Variants in SGPP2 observed in about 807,000 individuals in gnomAD.
SGPP2 encodes sphingosine 1-phosphate phosphohydrolase 2.
SGPP2 carries 30 observed loss-of-function variants against 33.9 expected under a neutral mutation model. That is an observed-to-expected ratio of 0.89 (90% CI 0.66 to 1.20). The LOEUF is 1.20. SGPP2 is among the 50% of genes most tolerant of loss of function. SGPP2 has a pLI of 0.00. For synonymous variants in SGPP2, 233 were observed against 225.0 expected, an observed-to-expected ratio of 1.04 and a Z score of -0.32; for missense variants, 458 against 532.1, an observed-to-expected ratio of 0.86 and a Z score of 1.37.
chr2:222,474,771 A>C, intron 2 of SGPP2, 45 bp downstream of exon 2: 1 of 1,498,546 alleles, frequency 6.7e-7, no homozygotes. Context: ...TTCTAAAACA[A>C]CTACTTCCTT....
chr2:222,434,928 T>C (rs1188162579), intron 1 of SGPP2, among the ~76,000 whole-genome samples: 1 of 151,356 alleles, frequency 6.6e-6, no homozygotes, highest in Non-Finnish European at 1.5e-5. Flanking sequence ...AGTTGGTTTG[T>C]ATATTAGGGT....
At chr2:222,446,025 G>A (rs780024258) in intron 1 of SGPP2, among the ~76,000 whole-genome samples, 1 of 152,208 alleles carries the variant, frequency 6.6e-6, no homozygotes, top group Non-Finnish European at 1.5e-5. Flanking sequence ...AACATTTGGG[G>A]ACTGAAAAGA....
chr2:222,519,122 A>T (rs1486696815), intron 2 of SGPP2, among the ~76,000 whole-genome samples: 1 of 152,250 alleles, frequency 6.6e-6, no homozygotes, highest in Non-Finnish European at 1.5e-5. Context: ...AGCTAAATAA[A>T]ACCCTGGTAA....
intron 1 of SGPP2, among the ~76,000 whole-genome samples, chr2:222,443,729 G>A (rs1458629390): frequency 6.6e-6 from 1 of 152,066 alleles, no homozygotes; most frequent in Non-Finnish European, 1.5e-5. Flanking sequence ...TGGCTATAGT[G>A]AGCCTTTCAG....
At chr2:222,456,002 C>T (rs978016581) in intron 1 of SGPP2, among the ~76,000 whole-genome samples, 10 of 152,042 alleles carry the variant, frequency 6.6e-5, no homozygotes, top group Non-Finnish European at 4.4e-5. Flanking sequence ...TTGCTTGAGC[C>T]CAGGAGTTTG....
At chr2:222,499,384 G>T (rs569694729) in intron 2 of SGPP2, among the ~76,000 whole-genome samples, 1 of 152,292 alleles carries the variant, frequency 6.6e-6, no homozygotes, top group East Asian at 1.9e-4. Flanking sequence ...CCTACACTTT[G>T]CCCGTGCTCG....
chr2:222,455,612 T>C (rs2106079833), intron 1 of SGPP2, among the ~76,000 whole-genome samples: 1 of 152,314 alleles, frequency 6.6e-6, no homozygotes, highest in Non-Finnish European at 1.5e-5. Flanking sequence ...CAGAAATGAA[T>C]TGATTCTTGA....
intron 2 of SGPP2, among the ~76,000 whole-genome samples, chr2:222,502,588 G>C (rs1259554586): frequency 6.6e-6 from 1 of 152,210 alleles, no homozygotes; most frequent in East Asian, 1.9e-4. Flanking sequence ...CAGATTTTCA[G>C]ATTAGGGATG....
chr2:222,507,779 T>A (rs1328747075), intron 2 of SGPP2, among the ~76,000 whole-genome samples: 3 of 152,238 alleles, frequency 2.0e-5, no homozygotes, highest in African/African-American at 7.2e-5. Context: ...AAATACCTTT[T>A]CAAAATATAA....
intron 3 of SGPP2, among the ~76,000 whole-genome samples, chr2:222,524,224 A>G (rs911592362): frequency 2.0e-5 from 3 of 152,242 alleles, no homozygotes; most frequent in East Asian, 1.9e-4. Context: ...GAGATAGTAT[A>G]AAGTGCTTTG....
chr2:222,537,737 C>G lies in SGPP2; in HGVS notation c.648+12704C>G, dbSNP rs138770718. Among the ~76,000 whole-genome samples the G allele has an allele frequency of 1.8e-3, 275 of 152,282 alleles. 1 individual carries two copies. The highest frequency in any genetic ancestry group is 6.4e-3 in the African/African-American group (266 of 41,558). On this transcript the variant is annotated intron_variant, in intron 4 of 4. Coordinates refer to ENST00000321276, the MANE Select transcript of SGPP2 (RefSeq NM_152386.4). ...ATAATGGAACAAATACATACAGACA[C>G]TTAAATGAAGTTGCAGTGTTATTTA...
At chr2:222,457,816 C>T (rs1697594970) in intron 1 of SGPP2, among the ~76,000 whole-genome samples, 1 of 152,142 alleles carries the variant, frequency 6.6e-6, no homozygotes, top group Non-Finnish European at 1.5e-5. Context: ...GGAGGGTAGA[C>T]CTGGGGCAGA....
intron 4 of SGPP2, among the ~76,000 whole-genome samples, chr2:222,542,020 G>A (rs1398198796): frequency 6.6e-6 from 1 of 152,178 alleles, no homozygotes; most frequent in Non-Finnish European, 1.5e-5. Context: ...ACGCACCTCA[G>A]TAACCATCAC....
intron 1 of SGPP2, among the ~76,000 whole-genome samples, chr2:222,433,029 AAGAG>A (rs777542918): frequency 6.7e-6 from 1 of 149,994 alleles, no homozygotes; most frequent in East Asian, 2.0e-4. Context: ...AAAAGAAAGA[AAGAG>A]AGAAAGAAAG....
At chr2:222,494,409 G>A (rs979857388) in intron 2 of SGPP2, among the ~76,000 whole-genome samples, 1 of 152,234 alleles carries the variant, frequency 6.6e-6, no homozygotes, top group African/African-American at 2.4e-5. Context: ...GTTCACGAAT[G>A]AGCAAATATA....
intron 1 of SGPP2, among the ~76,000 whole-genome samples, chr2:222,445,990 G>A (rs1298816440): frequency 6.6e-6 from 1 of 152,172 alleles, no homozygotes; most frequent in African/African-American, 2.4e-5. Context: ...AACTAGAAGT[G>A]GGATTAAATG....
chr2:222,551,652 G>A (rs972347441), intron 4 of SGPP2, among the ~76,000 whole-genome samples: 8 of 151,966 alleles, frequency 5.3e-5, no homozygotes, highest in Non-Finnish European at 1.0e-4. Flanking sequence ...AAATCTCACC[G>A]ACAGCCATAT....
At chr2:222,472,140 G>A (rs1284490941) in intron 1 of SGPP2, among the ~76,000 whole-genome samples, 1 of 152,158 alleles carries the variant, frequency 6.6e-6, no homozygotes, top group African/African-American at 2.4e-5. Context: ...AGATGAATTT[G>A]TAAGGTTCGG....
intron 2 of SGPP2, among the ~76,000 whole-genome samples, chr2:222,494,916 A>G (rs1432438384): frequency 6.6e-6 from 1 of 152,156 alleles, no homozygotes; most frequent in East Asian, 1.9e-4. Context: ...ACTTTCCCTT[A>G]AAATATAAGA....
Sources: gnomAD v4.1 joint callset for allele counts (sites outside exome capture counted in the v4.1 genomes callset) on GRCh38, gnomAD v4.1.1 for gene constraint, MANE v1.5 for transcripts, NCBI Gene and HGNC (gene_info 2026-07-23, HGNC 2026-07-21) for gene names.